MACROD1: variants seen among roughly 807,000 people sequenced by gnomAD.
MACROD1 encodes the protein ADP-ribose glycohydrolase MACROD1.
A neutral mutation model predicts 41.4 loss-of-function variants in MACROD1; 31 were observed. The ratio of observed to expected loss-of-function variants is 0.75; its 90% CI spans 0.56 to 1.01. MACROD1 has a LOEUF of 1.01. Among genes scored for constraint, MACROD1 ranks in the 50% least tolerant of loss-of-function variants. The probability of loss-of-function intolerance (pLI) is 0.00; values close to 1 mark genes in which losing one functional copy is unlikely to be tolerated. For missense variants in MACROD1, 473 were observed against 460.0 expected (o/e 1.03, Z -0.26); for synonymous variants, 252 against 203.4 (o/e 1.24, Z -2.03).
chr11:64,014,861 C>A (rs2134340750), intron 4 of MACROD1, among the ~76,000 whole-genome samples: 1 of 152,332 alleles, frequency 6.6e-6, no homozygotes, highest in South Asian at 2.1e-4. Context: ...CCTGTCCTGG[C>A]TGCGGAGCCC....
chr11:64,031,296 G>A (rs2134364902), intron 3 of MACROD1, among the ~76,000 whole-genome samples: 1 of 152,208 alleles, frequency 6.6e-6, no homozygotes, highest in South Asian at 2.1e-4. Context: ...TGGAGGTCTT[G>A]CTCTCTGGCT....
chr11:64,069,205 G>C (rs1462723336), intron 3 of MACROD1, among the ~76,000 whole-genome samples: 1 of 152,218 alleles, frequency 6.6e-6, no homozygotes, highest in Admixed American at 6.5e-5. Flanking sequence ...CACTGCGCGC[G>C]GCCGGGGGCC....
At chr11:64,114,277 T>TGGAC in intron 3 of MACROD1, among the ~76,000 whole-genome samples, 1 of 148,830 alleles carries the variant, frequency 6.7e-6, no homozygotes, top group Non-Finnish European at 1.5e-5. Flanking sequence ...GATGGATGGA[T>TGGAC]GGATGGACAG....
At chr11:64,105,397 G>A (rs566111582) in intron 3 of MACROD1, among the ~76,000 whole-genome samples, 1 of 152,332 alleles carries the variant, frequency 6.6e-6, no homozygotes, top group East Asian at 1.9e-4. Context: ...AGAAACAAAC[G>A]CTCTGGGCAG....
rs559615919 is a variant in MACROD1 at position 64,117,334 on chromosome 11, T to C, written c.517+33905A>G. On this transcript the variant is annotated intron_variant, in intron 3 of 10. Coordinates refer to ENST00000255681, the MANE Select transcript of MACROD1 (RefSeq NM_014067.4). Reference sequence around the variant, plus strand: ...GCCGTGGTCAACGTGCGGGGCCTCATGTGCCAGGGCCCTGAGAAGGTCCGG... The same window carrying C: ...GCCGTGGTCAACGTGCGGGGCCTCACGTGCCAGGGCCCTGAGAAGGTCCGG... 8 of 1,613,942 alleles carry C rather than the reference T, an allele frequency of 5.0e-6. No individual in the cohort carries two copies. The Admixed American group carries it at 8.3e-5, about 17-fold the overall frequency.
At chr11:64,113,791 G>T (rs917910622) in intron 3 of MACROD1, among the ~76,000 whole-genome samples, 2 of 149,428 alleles carry the variant, frequency 1.3e-5, no homozygotes, top group African/African-American at 4.9e-5. Context: ...ATGGACAGGT[G>T]CATGCATGAT....
rs916834332 is a variant in MACROD1 at position 64,151,390 on chromosome 11, G to C, written c.401-35C>G. On this transcript the variant is annotated intron_variant, in intron 2 of 10. Coordinates refer to ENST00000255681, the MANE Select transcript of MACROD1 (RefSeq NM_014067.4). ...GTAGGGGCCGGGGAGGTCACAGCGA[G>C]GCTGCCCACTGCAGAGGGACCCAGC... 5 of 1,538,382 alleles carry C rather than the reference G, an allele frequency of 3.3e-6. No individual in the cohort carries two copies. The African/African-American group carries it at 4.1e-5, about 13-fold the overall frequency.
At chr11:64,029,233 C>T (rs1486596194) in intron 3 of MACROD1, among the ~76,000 whole-genome samples, 4 of 152,144 alleles carry the variant, frequency 2.6e-5, no homozygotes, top group Admixed American at 6.5e-5. Flanking sequence ...AGAGCCTTTG[C>T]GCTGTGGGGG....
intron 3 of MACROD1, among the ~76,000 whole-genome samples, chr11:64,087,505 AC>A (rs1378879623): frequency 6.6e-6 from 1 of 152,122 alleles, no homozygotes; most frequent in Non-Finnish European, 1.5e-5. Flanking sequence ...CACAGTTGCC[AC>A]CCCTTGCTGG....
chr11:64,094,475 G>T (rs1191507711), intron 3 of MACROD1, among the ~76,000 whole-genome samples: 1 of 152,030 alleles, frequency 6.6e-6, no homozygotes, highest in Non-Finnish European at 1.5e-5. Flanking sequence ...GCAGGCTGGG[G>T]ACAAGGAAGG....
chr11:64,059,474 G>A (rs1394152295), intron 3 of MACROD1, among the ~76,000 whole-genome samples: 5 of 152,188 alleles, frequency 3.3e-5, no homozygotes, highest in Non-Finnish European at 7.4e-5. Context: ...TTCTGAGAGG[G>A]CATCCCATGC....
At chr11:64,045,075 G>A (rs778670011) in intron 3 of MACROD1, among the ~76,000 whole-genome samples, 7 of 152,254 alleles carry the variant, frequency 4.6e-5, no homozygotes, top group Admixed American at 6.5e-5. Flanking sequence ...AGGCCTGTGC[G>A]GGCTGAGGGG....
intron 3 of MACROD1, among the ~76,000 whole-genome samples, chr11:64,038,960 T>G (rs146241071): frequency 6.6e-6 from 1 of 152,292 alleles, no homozygotes; most frequent in Non-Finnish European, 1.5e-5. Context: ...GTATGAGGTT[T>G]CTAGCAGAGT....
At chr11:64,157,354 A>C (rs533048845) in intron 1 of MACROD1, among the ~76,000 whole-genome samples, 1 of 152,240 alleles carries the variant, frequency 6.6e-6, no homozygotes, top group African/African-American at 2.4e-5. Context: ...TCAGCCTCCG[A>C]AAGTGCTGGG....
chr11:64,128,166 A>T (rs1224980062), intron 3 of MACROD1, among the ~76,000 whole-genome samples: 1 of 151,958 alleles, frequency 6.6e-6, no homozygotes, highest in East Asian at 1.9e-4. Context: ...CCCAAGAGAG[A>T]CCACTCTAAG....
chr11:64,072,340 G>A (rs971961924), intron 3 of MACROD1, among the ~76,000 whole-genome samples: 9 of 152,246 alleles, frequency 5.9e-5, no homozygotes, highest in Admixed American at 5.2e-4. Context: ...GCCTTTGGGG[G>A]TTGCCTCTGG....
intron 3 of MACROD1, among the ~76,000 whole-genome samples, chr11:64,106,280 C>A (rs1359812731): frequency 6.6e-6 from 1 of 152,080 alleles, no homozygotes; most frequent in African/African-American, 2.4e-5. Context: ...GGTGAGGGCA[C>A]CCTGGGTCAC....
intron 2 of MACROD1, among the ~76,000 whole-genome samples, 172 bp downstream of exon 2, chr11:64,152,120 A>C (rs547263202): frequency 5.3e-5 from 8 of 152,326 alleles, no homozygotes; most frequent in African/African-American, 1.9e-4. Context: ...AAAGAGTGAA[A>C]TTCCATCTCA....
chr11:63,999,474 T>C, intron 7 of MACROD1, 56 bp downstream of exon 7: 1 of 1,570,424 alleles, frequency 6.4e-7, no homozygotes. Flanking sequence ...CCCCGGCCCC[T>C]CCCGGCGTCT....
Sources: allele counts gnomAD v4.1 joint callset (sites outside exome capture counted in the v4.1 genomes callset), GRCh38; gene constraint gnomAD v4.1.1; transcripts MANE v1.5; gene names NCBI Gene and HGNC (gene_info 2026-07-23, HGNC 2026-07-21).